The following ENOX2 variants were observed in gnomAD, a reference collection of about 807,000 sequenced individuals.
ENOX2 encodes APK1 antigen.
In ENOX2, 36 loss-of-function variants were observed where a neutral mutation model predicts 45.0. That is an observed-to-expected ratio of 0.80 (90% confidence interval 0.61 to 1.06). The LOEUF (loss-of-function observed/expected upper bound fraction) is 1.06. Among genes scored for constraint, ENOX2 ranks in the 50% least tolerant of loss-of-function variants. The probability of loss-of-function intolerance (pLI) is 0.00; values close to 1 mark genes in which losing one functional copy is unlikely to be tolerated. For synonymous variants in ENOX2, 174 were observed against 152.3 expected (o/e 1.14, Z -1.05); for missense variants, 423 against 462.5 (o/e 0.91, Z 0.78).
At chrX:130,884,189 T>C (rs17316185) in intron 2 of ENOX2, among the ~76,000 whole-genome samples, 2,561 of 112,328 alleles carry the variant, frequency 0.023, 85 homozygotes, top group Admixed American at 0.11. Context: ...AAGGGCTTCA[T>C]ATCATCCTCC....
chrX:130,640,214 T>C (rs1158964767), intron 10 of ENOX2, among the ~76,000 whole-genome samples: 1 of 112,018 alleles, frequency 8.9e-6, no homozygotes, highest in Admixed American at 9.5e-5. Context: ...AGTTTCAACA[T>C]GAATTTTGGA....
intron 8 of ENOX2, among the ~76,000 whole-genome samples, chrX:130,666,758 T>C (rs2036844661): frequency 8.9e-6 from 1 of 112,011 alleles, no homozygotes; most frequent in African/African-American, 3.2e-5. Context: ...CAATTATGTA[T>C]GAGTCAAGTA....
intron 4 of ENOX2, among the ~76,000 whole-genome samples, chrX:130,694,921 T>C: frequency 9.0e-6 from 1 of 111,662 alleles, no homozygotes; most frequent in Middle Eastern, 4.6e-3. Context: ...TGGCTACTTA[T>C]GAATTTCCAG....
intron 3 of ENOX2, among the ~76,000 whole-genome samples, chrX:130,766,228 T>C (rs1449985977): frequency 8.9e-6 from 1 of 111,744 alleles, no homozygotes; most frequent in Non-Finnish European, 1.9e-5. Flanking sequence ...CTGAACAAGC[T>C]AACTGGCCAA....
chrX:130,792,933 T>C (rs2077065095), intron 2 of ENOX2, among the ~76,000 whole-genome samples: 2 of 112,972 alleles, frequency 1.8e-5, no homozygotes, highest in South Asian at 7.2e-4. Context: ...CATATTTATA[T>C]AACATTTCAA....
intron 2 of ENOX2, among the ~76,000 whole-genome samples, chrX:130,809,061 T>C (rs958125181): frequency 1.8e-5 from 2 of 112,586 alleles, no homozygotes; most frequent in Non-Finnish European, 3.8e-5. Context: ...GTTTCTGTTA[T>C]GTTCCTATTG....
chrX:130,740,169 G>C (rs187543891), intron 3 of ENOX2, among the ~76,000 whole-genome samples: 1,207 of 112,085 alleles, frequency 0.011, 25 homozygotes, highest in African/African-American at 0.037. Context: ...GGGAGGCCGA[G>C]GTGGGTGGAT....
In ENOX2 at chrX:130,679,733, G is replaced by T; in HGVS notation, c.269C>A (p.Ala90Glu). ...GCATCCTGGTGGTCTTTCTCGGGTT[G>T]CAGGAGGTGGGAGATCTAAGTTGTA... is the stretch of plus-strand genomic sequence containing the variant. ...FPPNPNLPPPATRERPPGCKT... is the reference protein window; with the variant it reads ...FPPNPNLPPPETRERPPGCKT... Residue 90 changes from alanine (A) to glutamate (E), a missense_variant, in exon 6 of 15, where the codon GCA becomes GAA. By Grantham distance (107) the Ala-to-Glu change is moderately radical. Around this residue, in one of 5 missense-constraint regions of ENOX2, gnomAD observed 261 missense variants for 306.8 expected, o/e 0.85. Coordinates refer to ENST00000394363, the MANE Select transcript of ENOX2 (RefSeq NM_006375.4). 1 of 1,208,636 alleles carries T rather than the reference G, an allele frequency of 8.3e-7. No individual in the cohort carries two copies. Among genetic ancestry groups the T allele is most frequent in the African/African-American group, 1.7e-5 (1 of 57,787 alleles).
chrX:130,840,976 T>C (rs2078006261), intron 2 of ENOX2, among the ~76,000 whole-genome samples: 1 of 112,268 alleles, frequency 8.9e-6, no homozygotes, highest in Admixed American at 9.4e-5. Flanking sequence ...AAAACTGTTC[T>C]ATAAGACAGT....
chrX:130,882,306 C>T (rs188583455), intron 2 of ENOX2, among the ~76,000 whole-genome samples: 73 of 98,891 alleles, frequency 7.4e-4, no homozygotes, highest in Non-Finnish European at 1.3e-3. Flanking sequence ...TGGGACAAGG[C>T]TATGGATGGC....
chrX:130,770,467 C>G (rs185832947), intron 3 of ENOX2, among the ~76,000 whole-genome samples: 1 of 110,682 alleles, frequency 9.0e-6, no homozygotes, highest in African/African-American at 3.3e-5. Context: ...AAGAACACAG[C>G]ACAAACAGTG....
intron 1 of ENOX2, among the ~76,000 whole-genome samples, chrX:130,902,175 C>T (rs1328710864): frequency 9.0e-6 from 1 of 111,403 alleles, no homozygotes; most frequent in Non-Finnish European, 1.9e-5. Flanking sequence ...TTTTTGCACA[C>T]GTTTGTAATA....
chrX:130,899,540 C>T (rs1273913174), intron 2 of ENOX2, among the ~76,000 whole-genome samples: 1 of 111,796 alleles, frequency 8.9e-6, no homozygotes, highest in Non-Finnish European at 1.9e-5. Flanking sequence ...TGTGGAAGCC[C>T]GAGGCCTAAC....
intron 2 of ENOX2, among the ~76,000 whole-genome samples, chrX:130,790,390 C>A (rs2077025779): frequency 8.9e-6 from 1 of 112,178 alleles, no homozygotes; most frequent in African/African-American, 3.2e-5. Context: ...CATAAAAAGG[C>A]CGCATCCATT....
intron 3 of ENOX2, among the ~76,000 whole-genome samples, chrX:130,720,967 C>A (rs1453092155): frequency 8.9e-6 from 1 of 111,930 alleles, no homozygotes; most frequent in East Asian, 2.8e-4. Flanking sequence ...ACTTACACTG[C>A]CAAGCATATT....
chrX:130,691,197 T>G (rs1270284640), intron 4 of ENOX2, among the ~76,000 whole-genome samples: 1 of 111,281 alleles, frequency 9.0e-6, no homozygotes, highest in Non-Finnish European at 1.9e-5. Context: ...AATATCTGTA[T>G]GCCTCTATTT....
intron 10 of ENOX2, chrX:130,645,638 C>T: frequency 2.4e-6 from 1 of 419,037 alleles, no homozygotes; most frequent in South Asian, 3.8e-5. Context: ...CCGCGCCCGC[C>T]TGGAGGGATG....
At chrX:130,681,423 T>A (rs2037299202) in intron 5 of ENOX2, among the ~76,000 whole-genome samples, 1 of 111,607 alleles carries the variant, frequency 9.0e-6, no homozygotes, top group South Asian at 3.8e-4. Flanking sequence ...TTTTTAAGCT[T>A]CTCAGGCAGT....
At chrX:130,697,442 C>T (rs983864347) in intron 4 of ENOX2, among the ~76,000 whole-genome samples, 3 of 112,157 alleles carry the variant, frequency 2.7e-5, no homozygotes, top group Non-Finnish European at 5.6e-5. Context: ...TATTGGAATC[C>T]CCTATATCTA....
Sources: gnomAD v4.1 joint callset for allele counts (sites outside exome capture counted in the v4.1 genomes callset) on GRCh38, gnomAD v4.1.1 for gene constraint, gnomAD v4.1.1 regional missense constraint, MANE v1.5 for transcripts, NCBI Gene and HGNC (gene_info 2026-07-23, HGNC 2026-07-21) for gene names.